Variants in TMEM163 observed in about 807,000 individuals in gnomAD.
The protein encoded by TMEM163 is transmembrane protein 163.
A neutral mutation model predicts 29.3 loss-of-function variants in TMEM163; 17 were observed. The ratio of observed to expected loss-of-function variants is 0.58; its 90% confidence interval spans 0.40 to 0.87. The LOEUF (loss-of-function observed/expected upper bound fraction) is 0.87, where lower values mean the gene tolerates loss of function less well. Among genes scored for constraint, TMEM163 ranks in the 40% least tolerant of loss-of-function variants. The pLI, the probability that TMEM163 is intolerant of heterozygous loss-of-function variation, is 0.00. For missense variants in TMEM163, 303 were observed against 381.5 expected (o/e 0.79, Z 1.71); for synonymous variants, 157 against 160.6 (o/e 0.98, Z 0.17).
intron 1 of TMEM163, among the ~76,000 whole-genome samples, chr2:134,718,041 T>G (rs1284539085): frequency 6.6e-6 from 1 of 152,198 alleles, no homozygotes; most frequent in Non-Finnish European, 1.5e-5. Context: ...AGACGCGCCC[T>G]CCGGAAACAT....
chr2:134,639,963 T>C (rs563188989), intron 2 of TMEM163, among the ~76,000 whole-genome samples: 6 of 152,300 alleles, frequency 3.9e-5, no homozygotes, highest in East Asian at 3.9e-4. Context: ...AATGAGCACT[T>C]ACAATTCAAT....
intron 2 of TMEM163, among the ~76,000 whole-genome samples, chr2:134,665,099 C>T (rs1449556505): frequency 6.6e-6 from 1 of 152,162 alleles, no homozygotes; most frequent in East Asian, 1.9e-4. Flanking sequence ...ACAGGAAAGA[C>T]AAACAGCTTG....
intron 2 of TMEM163, among the ~76,000 whole-genome samples, chr2:134,689,860 C>T (rs182782381): frequency 6.6e-6 from 1 of 152,306 alleles, no homozygotes; most frequent in African/African-American, 2.4e-5. Flanking sequence ...AATGTGGTTT[C>T]TCCAAAGAAC....
At chr2:134,539,747 C>T (rs142416816) in intron 4 of TMEM163, among the ~76,000 whole-genome samples, 422 of 152,190 alleles carry the variant, frequency 2.8e-3, no homozygotes, top group Admixed American at 3.5e-3. Context: ...GGACAAAATC[C>T]GGAGACAGAA....
rs1686521965 is a variant in TMEM163 at position 134,460,990 on chromosome 2, T to A, written c.668-2817A>T. Among the ~76,000 whole-genome samples the A allele has an allele frequency of 6.6e-6, 1 of 152,098 alleles. No individual in the cohort carries two copies. The highest frequency in any genetic ancestry group is 2.1e-4 in the South Asian group (1 of 4,830). On this transcript the variant is annotated intron_variant, in intron 6 of 7. Transcript: ENST00000281924. The surrounding 1 kb of genome is among the most constrained non-coding windows in gnomAD (Gnocchi z 4.3). ...AAGCACACAGGGACTAGGGACCGAGTCAGTGGCCACCTGCCACTTTGCTCC... is the reference window on the plus strand; with the variant it reads ...AAGCACACAGGGACTAGGGACCGAGACAGTGGCCACCTGCCACTTTGCTCC...
At chr2:134,628,581 A>G (rs1367938723) in intron 2 of TMEM163, among the ~76,000 whole-genome samples, 1 of 152,250 alleles carries the variant, frequency 6.6e-6, no homozygotes, top group African/African-American at 2.4e-5. Context: ...TAACTGAACC[A>G]CAATAAAATC....
At chr2:134,557,895 C>A (rs1681083807) in intron 2 of TMEM163, among the ~76,000 whole-genome samples, 1 of 152,100 alleles carries the variant, frequency 6.6e-6, no homozygotes, top group African/African-American at 2.4e-5. Context: ...GCCAGACTGT[C>A]CCCAGCTTGA....
intron 5 of TMEM163, among the ~76,000 whole-genome samples, chr2:134,489,085 A>G (rs1371651013): frequency 6.6e-6 from 1 of 152,208 alleles, no homozygotes; most frequent in Non-Finnish European, 1.5e-5. Flanking sequence ...TGTTTACCCT[A>G]GAGAAACACC....
chr2:134,699,441 T>G (rs1574348629), intron 2 of TMEM163, among the ~76,000 whole-genome samples: 1 of 151,942 alleles, frequency 6.6e-6, no homozygotes, highest in Non-Finnish European at 1.5e-5. Flanking sequence ...GAGGCAGAGG[T>G]TGCAGTGAGC....
intron 2 of TMEM163, among the ~76,000 whole-genome samples, chr2:134,601,926 C>T (rs1682244462): frequency 6.6e-6 from 1 of 152,054 alleles, no homozygotes; most frequent in Non-Finnish European, 1.5e-5. Flanking sequence ...GACATGAAGG[C>T]AATGAGTAGA....
chr2:134,491,331 G>A (rs1358793344), intron 5 of TMEM163, among the ~76,000 whole-genome samples: 1 of 152,156 alleles, frequency 6.6e-6, no homozygotes, highest in East Asian at 1.9e-4. Flanking sequence ...CACCCCCTAG[G>A]ATAAGTCTCC....
intron 2 of TMEM163, among the ~76,000 whole-genome samples, chr2:134,619,322 G>A (rs1682677270): frequency 6.6e-6 from 1 of 152,208 alleles, no homozygotes; most frequent in Non-Finnish European, 1.5e-5. Context: ...TGAAACCAAT[G>A]TCCTTTATGA....
chr2:134,491,258 C>A (rs1679422935), intron 5 of TMEM163, among the ~76,000 whole-genome samples: 1 of 152,148 alleles, frequency 6.6e-6, no homozygotes, highest in African/African-American at 2.4e-5. Context: ...AGGCTGGGGG[C>A]TGGAGAGATG....
intron 2 of TMEM163, among the ~76,000 whole-genome samples, chr2:134,646,921 A>G (rs1317851002): frequency 6.6e-6 from 1 of 152,204 alleles, no homozygotes; most frequent in Non-Finnish European, 1.5e-5. Flanking sequence ...GGAGTTGTGT[A>G]ATTGATAAGA....
At chr2:134,545,827 C>T (rs1381278871) in intron 4 of TMEM163, among the ~76,000 whole-genome samples, 1 of 152,218 alleles carries the variant, frequency 6.6e-6, no homozygotes, top group East Asian at 1.9e-4. Flanking sequence ...CCCACGCCAA[C>T]AATTACTGAC....
intron 1 of TMEM163, among the ~76,000 whole-genome samples, chr2:134,716,390 C>T (rs766395081): frequency 1.3e-5 from 2 of 152,288 alleles, no homozygotes; most frequent in Non-Finnish European, 2.9e-5. Flanking sequence ...ATTTCTAAGG[C>T]GCAAATGCCT....
chr2:134,718,611 CG>C, intron 1 of TMEM163, 122 bp downstream of exon 1: 1 of 702,942 alleles, frequency 1.4e-6, no homozygotes, highest in Non-Finnish European at 1.8e-6. Flanking sequence ...GCCGGGAAGT[CG>C]GGGCTCCGCG....
At chr2:134,620,644 T>C (rs1054330821) in intron 2 of TMEM163, among the ~76,000 whole-genome samples, 4 of 152,184 alleles carry the variant, frequency 2.6e-5, no homozygotes, top group African/African-American at 9.6e-5. Context: ...TGAAATATAG[T>C]TGAGAGTGCA....
At chr2:134,573,681 C>T (rs1052338772) in intron 2 of TMEM163, among the ~76,000 whole-genome samples, 1 of 152,156 alleles carries the variant, frequency 6.6e-6, no homozygotes, top group Admixed American at 6.5e-5. Flanking sequence ...GTGTTAAGTG[C>T]AATGACATAT....
Sources: gnomAD v4.1 joint callset for allele counts (sites outside exome capture counted in the v4.1 genomes callset) on GRCh38, gnomAD v4.1.1 for gene constraint, Gnocchi (gnomAD v3.1) non-coding constraint, MANE v1.5 for transcripts, NCBI Gene and HGNC (gene_info 2026-07-23, HGNC 2026-07-21) for gene names.